Variants in ANKRD30BL observed in about 807,000 individuals in gnomAD.
ANKRD30BL encodes ankyrin repeat domain 30B like.
A neutral mutation model predicts 18.4 loss-of-function variants in ANKRD30BL; 20 were observed. That is an observed-to-expected ratio of 1.09 (90% confidence interval 0.77 to 1.58). ANKRD30BL has a LOEUF of 1.58. Ranked by LOEUF, ANKRD30BL falls within the 40% of genes most tolerant of loss-of-function variation. ANKRD30BL has a pLI of 0.00. For synonymous variants in ANKRD30BL, 72 were observed against 100.9 expected (o/e 0.71, Z 1.72); for missense variants, 224 against 268.6 (o/e 0.83, Z 1.16).
At chr2:132,240,353 A>G (rs887055898) in intron 1 of ANKRD30BL, among the ~76,000 whole-genome samples, 3 of 151,890 alleles carry the variant, frequency 2.0e-5, no homozygotes, top group African/African-American at 7.2e-5. Flanking sequence ...CATTCCCAGA[A>G]ACTTCTTGTG....
chr2:132,189,992 G>T (rs1160574074), intron 1 of ANKRD30BL, among the ~76,000 whole-genome samples: 1 of 151,806 alleles, frequency 6.6e-6, no homozygotes, highest in East Asian at 1.9e-4. Context: ...TAAAATAGTG[G>T]ACTAAACTTC....
chr2:132,217,358 T>C (rs62165471), intron 1 of ANKRD30BL, among the ~76,000 whole-genome samples: 21 of 152,244 alleles, frequency 1.4e-4, no homozygotes, highest in African/African-American at 5.1e-4. Context: ...TAGAGCAGTT[T>C]TGAAACACTG....
chr2:132,225,107 G>C (rs937524639), intron 1 of ANKRD30BL, among the ~76,000 whole-genome samples: 12 of 151,594 alleles, frequency 7.9e-5, no homozygotes, highest in African/African-American at 2.9e-4. Flanking sequence ...TCTGCAAGTG[G>C]ATATTTGGAC....
intron 1 of ANKRD30BL, among the ~76,000 whole-genome samples, chr2:132,187,247 G>A (rs1312080349): frequency 7.0e-6 from 1 of 141,968 alleles, no homozygotes; most frequent in African/African-American, 2.6e-5. Flanking sequence ...AGGCTGGAGT[G>A]GAGTGGCGTG....
intron 1 of ANKRD30BL, among the ~76,000 whole-genome samples, chr2:132,180,244 C>T (rs4374428): frequency 6.7e-6 from 1 of 148,946 alleles, no homozygotes; most frequent in Non-Finnish European, 1.5e-5. Flanking sequence ...TTTTACTGCA[C>T]CTTTTCTATG....
At chr2:132,222,450 T>C (rs532619337) in intron 1 of ANKRD30BL, among the ~76,000 whole-genome samples, 133 of 152,122 alleles carry the variant, frequency 8.7e-4, no homozygotes, top group Non-Finnish European at 1.6e-3. Context: ...TCTGTGTGGA[T>C]AGAAGTAGAC....
At chr2:132,251,319 C>T (rs967235710) in intron 1 of ANKRD30BL, among the ~76,000 whole-genome samples, 5 of 152,116 alleles carry the variant, frequency 3.3e-5, no homozygotes, top group African/African-American at 4.8e-5. Flanking sequence ...TGCATGCATT[C>T]ATTTTTGTAC....
At chr2:132,251,114 G>A (rs1680637057) in intron 1 of ANKRD30BL, among the ~76,000 whole-genome samples, 2 of 152,158 alleles carry the variant, frequency 1.3e-5, no homozygotes, top group Non-Finnish European at 2.9e-5. Flanking sequence ...CCTCTTTGAA[G>A]TGAAAGTCTG....
chr2:132,257,047 G>T (rs772193584), intron 1 of ANKRD30BL: 1 of 513,758 alleles, frequency 1.9e-6, no homozygotes, highest in East Asian at 5.6e-5. Flanking sequence ...GTACCGCAGC[G>T]ACCCGCCTAG....
At chr2:132,196,972 T>C (rs1332183775) in intron 1 of ANKRD30BL, among the ~76,000 whole-genome samples, 4 of 152,186 alleles carry the variant, frequency 2.6e-5, no homozygotes, top group Admixed American at 6.5e-5. Flanking sequence ...CCCCAACACA[T>C]GTATGATAGG....
chr2:132,163,816 C>G (rs1454962657), upstream of ANKRD30BL, among the ~76,000 whole-genome samples: 1 of 152,182 alleles, frequency 6.6e-6, no homozygotes, highest in Non-Finnish European at 1.5e-5. Flanking sequence ...GGATCATGAA[C>G]AAAAACCCAA....
intron 1 of ANKRD30BL, among the ~76,000 whole-genome samples, chr2:132,161,133 T>C (rs1688045623): frequency 6.9e-6 from 1 of 144,350 alleles, no homozygotes; most frequent in Non-Finnish European, 1.5e-5. Context: ...TTTTAAAACC[T>C]GTACATTAAA....
intron 1 of ANKRD30BL, among the ~76,000 whole-genome samples, chr2:132,195,393 C>T (rs1678942154): frequency 6.6e-6 from 1 of 151,552 alleles, no homozygotes; most frequent in Non-Finnish European, 1.5e-5. Context: ...ACAAAGAAAC[C>T]TCCTAGAGAT....
At chr2:132,210,614 C>T (rs1573845125) in intron 1 of ANKRD30BL, among the ~76,000 whole-genome samples, 1 of 150,630 alleles carries the variant, frequency 6.6e-6, no homozygotes, top group South Asian at 2.1e-4. Context: ...AGAATTGAAA[C>T]TTTCTTTTGA....
chr2:132,199,883 C>G (rs913215037), intron 1 of ANKRD30BL, among the ~76,000 whole-genome samples: 10 of 152,114 alleles, frequency 6.6e-5, no homozygotes, highest in African/African-American at 2.4e-4. Flanking sequence ...AGGCCAATAT[C>G]CTTGATGAAC....
At chr2:132,200,895 T>C (rs548589062) in intron 1 of ANKRD30BL, among the ~76,000 whole-genome samples, 5 of 152,300 alleles carry the variant, frequency 3.3e-5, no homozygotes, top group South Asian at 2.1e-4. Context: ...CTTCAAACTA[T>C]GCTAGAAGGC....
chr2:132,201,084 C>T (rs1573835686), intron 1 of ANKRD30BL, among the ~76,000 whole-genome samples: 2 of 152,056 alleles, frequency 1.3e-5, no homozygotes, highest in South Asian at 4.1e-4. Context: ...GGAAAACTGG[C>T]TAGCCATATG....
chr2:132,246,757 G>A (rs1490686793), intron 1 of ANKRD30BL, among the ~76,000 whole-genome samples: 4 of 151,816 alleles, frequency 2.6e-5, no homozygotes, highest in African/African-American at 9.7e-5. Context: ...TGTGGAATCT[G>A]TAATTGGAAA....
chr2:132,189,794 T>G (rs928008779), intron 1 of ANKRD30BL, among the ~76,000 whole-genome samples: 6 of 152,200 alleles, frequency 3.9e-5, no homozygotes, highest in African/African-American at 1.4e-4. Context: ...TCAGTTCAGT[T>G]CAATTTATAA....
Sources: gnomAD v4.1 joint callset for allele counts (sites outside exome capture counted in the v4.1 genomes callset) on GRCh38, gnomAD v4.1.1 for gene constraint, MANE v1.5 for transcripts, NCBI Gene and HGNC (gene_info 2026-07-23, HGNC 2026-07-21) for gene names.